Variants in KSR2 observed in about 807,000 individuals in gnomAD.
KSR2 encodes kinase suppressor of ras 2.
Under a neutral mutation model 107.8 loss-of-function variants are expected in KSR2, and 25 were observed. The ratio of observed to expected loss-of-function variants is 0.23; its 90% CI spans 0.17 to 0.32. The LOEUF is 0.32. Ranked by LOEUF, KSR2 falls within the 10% of genes least tolerant of loss-of-function variation. KSR2 has a pLI of 1.00. For synonymous variants in KSR2, 480 were observed against 507.0 expected, an observed-to-expected ratio of 0.95 and a Z score of 0.71; for missense variants, 887 against 1,268.9, an observed-to-expected ratio of 0.70 and a Z score of 4.57.
chr12:117,696,567 G>A (rs1886068421), intron 4 of KSR2, among the ~76,000 whole-genome samples: 1 of 152,054 alleles, frequency 6.6e-6, no homozygotes, highest in Admixed American at 6.6e-5. Flanking sequence ...GAGTTGGAAG[G>A]GGATTCAGAT....
chr12:117,804,003 T>C (rs1468943247), intron 3 of KSR2, among the ~76,000 whole-genome samples: 2 of 152,204 alleles, frequency 1.3e-5, no homozygotes, highest in Non-Finnish European at 2.9e-5. Context: ...GCTATTTTTG[T>C]AAACTGAGTT....
chr12:117,512,932 T>A (rs1874121984), intron 14 of KSR2, among the ~76,000 whole-genome samples: 1 of 152,140 alleles, frequency 6.6e-6, no homozygotes, highest in African/African-American at 2.4e-5. Flanking sequence ...ACTGGACATC[T>A]AGACAACAAA....
chr12:117,912,572 C>T (rs562473126), intron 1 of KSR2, among the ~76,000 whole-genome samples: 48 of 152,076 alleles, frequency 3.2e-4, no homozygotes, highest in Non-Finnish European at 5.6e-4. Context: ...CCAAATAATC[C>T]TATAAGATTA....
At chr12:117,539,689 C>A (rs745781076) in intron 10 of KSR2, 30 bp downstream of exon 10, 4 of 1,577,836 alleles carry the variant, frequency 2.5e-6, no homozygotes, top group South Asian at 2.3e-5. Context: ...CAACGCTGCA[C>A]CCCTCATGTC....
At chr12:117,745,228 T>G (rs532845414) in intron 4 of KSR2, among the ~76,000 whole-genome samples, 24 of 152,326 alleles carry the variant, frequency 1.6e-4, no homozygotes, top group African/African-American at 5.5e-4. Flanking sequence ...TTGGACAAGG[T>G]ATACTCTCTT....
intron 3 of KSR2, among the ~76,000 whole-genome samples, chr12:117,805,037 T>C (rs1460250537): frequency 6.6e-6 from 1 of 152,176 alleles, no homozygotes; most frequent in East Asian, 1.9e-4. Context: ...GCGGATGGAC[T>C]GAGGGATTTC....
At chr12:117,794,222 C>T (rs565871591) in intron 3 of KSR2, among the ~76,000 whole-genome samples, 88 of 105,176 alleles carry the variant, frequency 8.4e-4, no homozygotes, top group Non-Finnish European at 1.4e-3. Flanking sequence ...AACATGCACA[C>T]ACACCAACAT....
At chr12:117,939,142 G>T (rs1475896226) in intron 1 of KSR2, among the ~76,000 whole-genome samples, 1 of 152,182 alleles carries the variant, frequency 6.6e-6, no homozygotes, top group East Asian at 1.9e-4. Context: ...CCTCTTTTGT[G>T]TATAAATATT....
Position 117,463,198 on chromosome 12 carries a change from T to G in KSR2, c.*4001A>C. 6.6e-6 allele frequency: 1 copy of G among 152,220 alleles called. No individual in the cohort carries two copies. Among genetic ancestry groups the G allele is most frequent in the East Asian group, 1.9e-4 (1 of 5,182 alleles). The allele number at this position is 152,220 out of a possible 1,614,324, so 9.4% of individuals were successfully genotyped here. ...TATCACACAGGCCAAGCAGTCAACA[T>G]CTGCTCCACCCTATCCAAGGACAGG... On this transcript the variant is annotated 3_prime_UTR_variant, in exon 20 of 20. Transcript: ENST00000339824.
At chr12:117,652,660 C>T (rs1426548124) in intron 5 of KSR2, among the ~76,000 whole-genome samples, 2 of 152,094 alleles carry the variant, frequency 1.3e-5, no homozygotes, top group East Asian at 1.9e-4. Flanking sequence ...CACCTCCAGC[C>T]TTTTAACGGG....
At chr12:117,762,376 T>C (rs1889067732) in intron 3 of KSR2, among the ~76,000 whole-genome samples, 1 of 152,220 alleles carries the variant, frequency 6.6e-6, no homozygotes, top group South Asian at 2.1e-4. Flanking sequence ...TATTCATGCA[T>C]TTGTCCAGTA....
chr12:117,772,828 G>A (rs898619319), intron 3 of KSR2, among the ~76,000 whole-genome samples: 13 of 152,134 alleles, frequency 8.5e-5, no homozygotes, highest in African/African-American at 3.1e-4. Context: ...GGGGCCACGG[G>A]AACATCGACT....
Position 117,539,799 on chromosome 12 carries a change from A to G in KSR2, c.1607T>C (p.Leu536Pro), listed in dbSNP as rs1206476403. Reference protein sequence around the residue: ...SSTPSSPAPPLPPSATPPSPL... With the variant: ...SSTPSSPAPPPPPSATPPSPL... ...AGAAGGCGGCGTGGCACTAGGAGGG[A>G]GGGGGGGTGCTGGCGAGGAGGGCGT... Residue 536 changes from leucine (L) to proline (P), a missense_variant, in exon 10 of 20, where the codon CTC becomes CCC. Coordinates refer to ENST00000339824, the MANE Select transcript of KSR2 (RefSeq NM_173598.6). 4 of 1,606,144 alleles carry G rather than the reference A, an allele frequency of 2.5e-6. No homozygotes were observed. The highest frequency in any genetic ancestry group is 3.4e-6 in the Non-Finnish European group (4 of 1,177,282).
intron 5 of KSR2, among the ~76,000 whole-genome samples, chr12:117,611,912 A>G (rs577220245): frequency 3.3e-5 from 5 of 152,360 alleles, no homozygotes; most frequent in Admixed American, 3.3e-4. Flanking sequence ...TACCTAGTCC[A>G]GTCAAATTCA....
At chr12:117,602,991 C>T (rs950578176) in intron 5 of KSR2, among the ~76,000 whole-genome samples, 1 of 152,160 alleles carries the variant, frequency 6.6e-6, no homozygotes, top group African/African-American at 2.4e-5. Flanking sequence ...ACACAGATGC[C>T]TAAACAGCTG....
intron 1 of KSR2, among the ~76,000 whole-genome samples, chr12:117,911,174 T>TCTCTCA (rs1555256064): frequency 2.7e-5 from 4 of 148,942 alleles, no homozygotes; most frequent in African/African-American, 5.0e-5. Flanking sequence ...TCTCTCTCTC[T>TCTCTCA]CACACACACA....
intron 1 of KSR2, among the ~76,000 whole-genome samples, chr12:117,941,232 C>T (rs907709971): frequency 1.3e-5 from 2 of 152,044 alleles, no homozygotes; most frequent in Non-Finnish European, 2.9e-5. Context: ...ACCTCCCCAC[C>T]ATGTCACCCC....
intron 4 of KSR2, chr12:117,674,253 TTCTGG>T (rs1885028688): frequency 2.0e-6 from 1 of 499,954 alleles, no homozygotes; most frequent in African/African-American, 1.9e-5. Flanking sequence ...AGCCCCAATG[TTCTGG>T]TCCAAGCCAC....
At position 117,863,408 on chromosome 12, in the gene KSR2, T is replaced by G. The variant is rs77520255; in HGVS notation, c.181-2977A>C. On this transcript the variant is annotated intron_variant, in intron 1 of 19. Transcript: ENST00000339824. ...AGCAGAGCCAAGAGATGGAGTCACATTCCCAGCCACACCCATCATCTGAGC... is the reference window on the plus strand; with the variant it reads ...AGCAGAGCCAAGAGATGGAGTCACAGTCCCAGCCACACCCATCATCTGAGC... Among the ~76,000 whole-genome samples the G allele has an allele frequency of 4.3e-3, 653 of 152,270 alleles. 4 individuals carry two copies. In the Middle Eastern group the frequency reaches 0.048, roughly 11 times the overall value.
Sources: allele counts gnomAD v4.1 joint callset (sites outside exome capture counted in the v4.1 genomes callset), GRCh38; gene constraint gnomAD v4.1.1; transcripts MANE v1.5; gene names NCBI Gene and HGNC (gene_info 2026-07-23, HGNC 2026-07-21).